TTLL5: variants seen among roughly 807,000 people sequenced by gnomAD.
TTLL5 encodes tubulin polyglutamylase TTLL5.
In TTLL5, 132 loss-of-function variants were observed where a neutral mutation model predicts 168.4. The observed-to-expected ratio is 0.78, with a 90% CI of 0.68 to 0.91. The LOEUF is 0.91. Among genes scored for constraint, TTLL5 ranks in the 40% least tolerant of loss-of-function variants. TTLL5 has a pLI of 0.00. For missense variants in TTLL5, 1,545 were observed against 1,581.5 expected, an observed-to-expected ratio of 0.98 and a Z score of 0.39; for synonymous variants, 546 against 558.6, an observed-to-expected ratio of 0.98 and a Z score of 0.32.
rs1892118047 is a variant in TTLL5, at chr14:75,782,478, T to C, written c.2516-9T>C. 4 of 1,609,362 alleles carry C rather than the reference T, an allele frequency of 2.5e-6. No individual in the cohort carries two copies. The highest frequency in any genetic ancestry group is 3.4e-6 in the Non-Finnish European group (4 of 1,177,402). Reference sequence around the variant, plus strand: ...TAAGAGAGTCCAAGCTCATTATTTCTTATTTCAGATCACCCTGAGACTATA... The same window carrying C: ...TAAGAGAGTCCAAGCTCATTATTTCCTATTTCAGATCACCCTGAGACTATA... On this transcript the variant is annotated splice_polypyrimidine_tract_variant and intron_variant, in intron 24 of 31. Transcript: ENST00000298832.
At chr14:75,723,350 G>A (rs1190972103) in intron 12 of TTLL5, among the ~76,000 whole-genome samples, 1 of 152,192 alleles carries the variant, frequency 6.6e-6, no homozygotes, top group Admixed American at 6.5e-5. Context: ...TGGCCTGACA[G>A]TAGACTTCCC....
At chr14:75,925,581 A>G (rs2034019807) in intron 31 of TTLL5, among the ~76,000 whole-genome samples, 1 of 148,718 alleles carries the variant, frequency 6.7e-6, no homozygotes, top group Admixed American at 6.6e-5. Context: ...GCAGCCAGGC[A>G]GAGGGTCTCC....
At chr14:75,939,917 G>GC (rs1001718931) in intron 31 of TTLL5, among the ~76,000 whole-genome samples, 38 of 151,890 alleles carry the variant, frequency 2.5e-4, no homozygotes, top group African/African-American at 9.0e-4. Flanking sequence ...CCATTCTAAT[G>GC]CCCCACCAAA....
intron 30 of TTLL5, among the ~76,000 whole-genome samples, chr14:75,898,559 C>G (rs1345347539): frequency 6.6e-6 from 1 of 152,106 alleles, no homozygotes; most frequent in East Asian, 1.9e-4. Flanking sequence ...GGAGGATCAC[C>G]TGAGCCCAGG....
intron 21 of TTLL5, among the ~76,000 whole-genome samples, chr14:75,773,560 CA>C (rs1388264362): frequency 6.6e-6 from 1 of 152,112 alleles, no homozygotes; most frequent in Non-Finnish European, 1.5e-5. Flanking sequence ...ATCATCACTA[CA>C]AAACTTAATA....
chr14:75,821,270 A>G (rs1435280764), intron 28 of TTLL5, among the ~76,000 whole-genome samples: 1 of 152,150 alleles, frequency 6.6e-6, no homozygotes, highest in East Asian at 1.9e-4. Flanking sequence ...GAATCATCTT[A>G]ACTGAGAATT....
intron 27 of TTLL5, among the ~76,000 whole-genome samples, chr14:75,811,871 G>A (rs76717848): frequency 0.018 from 2,708 of 152,258 alleles, 80 homozygotes; most frequent in African/African-American, 0.059. Flanking sequence ...AGTGCTGGCA[G>A]CAGTACGACT....
intron 27 of TTLL5, among the ~76,000 whole-genome samples, chr14:75,809,952 T>A (rs895982690): frequency 2.0e-5 from 3 of 152,222 alleles, no homozygotes; most frequent in African/African-American, 7.2e-5. Flanking sequence ...ACATTTTTTT[T>A]AATCCATTCA....
intron 18 of TTLL5, among the ~76,000 whole-genome samples, chr14:75,758,677 T>C (rs1032145343): frequency 3.3e-5 from 5 of 152,088 alleles, no homozygotes; most frequent in African/African-American, 7.2e-5. Flanking sequence ...TCCTAATATA[T>C]TTAAAAGGAT....
chr14:75,809,657 C>CTAGAACTTATTCATTT (rs1312825656), intron 27 of TTLL5, among the ~76,000 whole-genome samples: 8 of 152,170 alleles, frequency 5.3e-5, no homozygotes, highest in Admixed American at 2.6e-4. Context: ...CTTTCGAATA[C>CTAGAACTTATTCATTT]TAGAACTTAT....
rs552879779 is a variant in TTLL5, at chr14:75,819,845, G to C, written c.3172-162G>C. ...CTGACCACTCTCACTTCTGCTCTTT[G>C]TGCACAGGAGCCATTCCTTCCTGAG... On this transcript the variant is annotated intron_variant, in intron 27 of 31. Coordinates refer to ENST00000298832, the MANE Select transcript of TTLL5 (RefSeq NM_015072.5). 2.6e-3 allele frequency among the ~76,000 whole-genome samples: 392 copies of C among 152,278 alleles called. 3 individuals are homozygous for C. Among genetic ancestry groups the C allele is most frequent in the African/African-American group, 9.0e-3 (376 of 41,556 alleles).
chr14:75,781,365 T>A lies in TTLL5; in HGVS notation c.2516-1122T>A, dbSNP rs537529480. Reference sequence around the variant, plus strand: ...ACATTTGATAGTATAGTATCTGGAGTCATTTCAAACATGAACAAACAAGTG... The same window carrying A: ...ACATTTGATAGTATAGTATCTGGAGACATTTCAAACATGAACAAACAAGTG... On this transcript the variant is annotated intron_variant, in intron 24 of 31. Transcript: ENST00000298832. Among the ~76,000 whole-genome samples the A allele has an allele frequency of 1.1e-4, 16 of 152,122 alleles. No homozygotes were observed. The South Asian group carries it at 3.1e-3, about 30-fold the overall frequency.
At chr14:75,768,712 G>T (rs1481637674) in intron 20 of TTLL5, among the ~76,000 whole-genome samples, 1 of 152,172 alleles carries the variant, frequency 6.6e-6, no homozygotes, top group East Asian at 1.9e-4. Context: ...GAGCAAGGAA[G>T]TTTAGCCGTT....
At chr14:75,895,490 G>A (rs954512816) in intron 30 of TTLL5, among the ~76,000 whole-genome samples, 42 of 151,568 alleles carry the variant, frequency 2.8e-4, no homozygotes, top group Non-Finnish European at 5.9e-5. Context: ...CAACCACAAA[G>A]CACTTAAGTT....
rs1243775053 is a variant in TTLL5 at position 75,865,773 on chromosome 14, G to A, written c.3522+1911G>A. On this transcript the variant is annotated intron_variant, in intron 29 of 31. Transcript: ENST00000298832. The stretch of plus-strand genomic sequence containing the variant: ...CTTGTGTGGAATTTCTTTTCACTGA[G>A]GATTATACTGGTTTAGTTTCACTGA... Among the ~76,000 whole-genome samples, 3 of 152,124 alleles carry A rather than the reference G, an allele frequency of 2.0e-5. No individual in the cohort carries two copies. The East Asian group carries it at 5.8e-4, about 29-fold the overall frequency.
intron 31 of TTLL5, among the ~76,000 whole-genome samples, chr14:75,914,033 A>AAAAAAATATATATATATATATAT: frequency 2.0e-4 from 14 of 71,078 alleles, no homozygotes; most frequent in African/African-American, 9.3e-4. Context: ...AAAAAAAAAA[A>AAAAAAATATATATATATATATAT]ATATATATAT....
intron 31 of TTLL5, among the ~76,000 whole-genome samples, chr14:75,927,579 C>T (rs1052942608): frequency 2.6e-5 from 4 of 152,190 alleles, no homozygotes; most frequent in Non-Finnish European, 4.4e-5. Context: ...GTGTCCTGTT[C>T]ATTCGTCCAA....
chr14:75,685,334 C>G (rs1250221235), intron 5 of TTLL5, among the ~76,000 whole-genome samples: 1 of 149,782 alleles, frequency 6.7e-6, no homozygotes, highest in Non-Finnish European at 1.5e-5. Flanking sequence ...TATGATTGTG[C>G]CACTGCACTC....
chr14:75,822,186 CT>C (rs1417345546), intron 28 of TTLL5, among the ~76,000 whole-genome samples: 1 of 152,186 alleles, frequency 6.6e-6, no homozygotes, highest in Non-Finnish European at 1.5e-5. Context: ...TGGTAAGTCA[CT>C]GTTTTGTGGA....
Sources: gnomAD v4.1 joint callset for allele counts (sites outside exome capture counted in the v4.1 genomes callset) on GRCh38, gnomAD v4.1.1 for gene constraint, MANE v1.5 for transcripts, NCBI Gene and HGNC (gene_info 2026-07-23, HGNC 2026-07-21) for gene names.